The following NFIB variants were observed in gnomAD, a reference collection of about 807,000 sequenced individuals.
The protein encoded by NFIB is nuclear factor 1 B-type.
Under a neutral mutation model 61.5 loss-of-function variants are expected in NFIB, and 11 were observed. The ratio of observed to expected loss-of-function variants is 0.18; its 90% confidence interval spans 0.11 to 0.30. The LOEUF (loss-of-function observed/expected upper bound fraction) is 0.30, where lower values mean the gene tolerates loss of function less well. Ranked by LOEUF, NFIB falls within the 10% of genes least tolerant of loss-of-function variation. The pLI is 1.00. For missense variants in NFIB, 471 were observed against 608.9 expected (o/e 0.77, Z 2.38); for synonymous variants, 260 against 216.5 (o/e 1.20, Z -1.76).
At chr9:14,161,235 G>A (rs920502111) in intron 3 of NFIB, among the ~76,000 whole-genome samples, 2 of 152,120 alleles carry the variant, frequency 1.3e-5, no homozygotes, top group Non-Finnish European at 2.9e-5. Flanking sequence ...TTGTGTTGAA[G>A]TTAAAGCTGA....
the NFIB span, among the ~76,000 whole-genome samples, chr9:14,475,227 G>C: frequency 3.4e-4 from 52 of 152,378 alleles, no homozygotes; most frequent in African/African-American, 1.2e-3. Context: ...AGCGTGCTAA[G>C]TGACTTGCCC....
intron 1 of NFIB, among the ~76,000 whole-genome samples, chr9:14,323,057 T>G (rs2060700781): frequency 6.6e-6 from 1 of 152,258 alleles, no homozygotes; most frequent in Non-Finnish European, 1.5e-5. Context: ...CCCGCCACGT[T>G]GCTGGCTTCA....
chr9:14,245,605 G>A (rs1027081076), intron 2 of NFIB, among the ~76,000 whole-genome samples: 8 of 152,168 alleles, frequency 5.3e-5, no homozygotes, highest in Non-Finnish European at 1.2e-4. Context: ...GGGCTCAGTG[G>A]CTCACGACTG....
intron 2 of NFIB, among the ~76,000 whole-genome samples, chr9:14,233,745 T>C (rs2053454235): frequency 6.6e-6 from 1 of 152,194 alleles, no homozygotes; most frequent in Non-Finnish European, 1.5e-5. Context: ...TTGCTATTAT[T>C]CTTTAATAAC....
At chr9:14,093,654 G>C (rs1261519771) in intron 10 of NFIB, among the ~76,000 whole-genome samples, 1 of 151,992 alleles carries the variant, frequency 6.6e-6, no homozygotes, top group South Asian at 2.1e-4. Context: ...AATTTTATTG[G>C]CAAAATATTA....
intron 1 of NFIB, among the ~76,000 whole-genome samples, chr9:14,329,215 A>G (rs1003400724): frequency 2.6e-5 from 4 of 152,208 alleles, no homozygotes; most frequent in African/African-American, 9.7e-5. Flanking sequence ...TATGGCTGCT[A>G]AGCTAGTTAG....
chr9:14,158,441 G>C (rs943748065), intron 3 of NFIB, among the ~76,000 whole-genome samples: 4 of 152,140 alleles, frequency 2.6e-5, no homozygotes, highest in African/African-American at 4.8e-5. Flanking sequence ...TTTATACTTT[G>C]TACTTTCAGA....
chr9:14,175,087 T>C lies in NFIB; in HGVS notation c.616+4640A>G, dbSNP rs983840795. ...GTTTCTATTAGTTTTATGACAACCT[T>C]CTGTTGGCTTTGATTTCAGTATCTA... is the stretch of plus-strand genomic sequence containing the variant. On this transcript the variant is annotated intron_variant, in intron 3 of 10. Coordinates refer to ENST00000380953, the MANE Select transcript of NFIB (RefSeq NM_001190737.2). Among the ~76,000 whole-genome samples the C allele has an allele frequency of 9.2e-5, 14 of 152,106 alleles. No homozygotes were observed. In the East Asian group the frequency reaches 2.5e-3, roughly 27 times the overall value.
intron 2 of NFIB, among the ~76,000 whole-genome samples, chr9:14,291,311 C>G (rs1336317830): frequency 6.6e-6 from 1 of 151,944 alleles, no homozygotes; most frequent in East Asian, 1.9e-4. Context: ...ACGATGAAAT[C>G]CAGTCTCTAC....
At chr9:14,526,707 T>A in the NFIB span, among the ~76,000 whole-genome samples, 1 of 152,218 alleles carries the variant, frequency 6.6e-6, no homozygotes, top group Non-Finnish European at 1.5e-5. Flanking sequence ...AAAATAGTGA[T>A]TGACATCATT....
chr9:14,240,162 A>G (rs11789657), intron 2 of NFIB, among the ~76,000 whole-genome samples: 39,862 of 152,016 alleles, frequency 0.26, 6,716 homozygotes, highest in Middle Eastern at 0.47. Flanking sequence ...AGCCTATGGA[A>G]ACATTTTAAA....
At chr9:14,378,286 A>G (rs1260737071) in intron 1 of NFIB, among the ~76,000 whole-genome samples, 1 of 152,218 alleles carries the variant, frequency 6.6e-6, no homozygotes. Flanking sequence ...GTAGGGCTCA[A>G]TAAATGCAGC....
At chr9:14,350,628 A>AG (rs1297701775) in intron 1 of NFIB, among the ~76,000 whole-genome samples, 1 of 152,196 alleles carries the variant, frequency 6.6e-6, no homozygotes, top group Non-Finnish European at 1.5e-5. Context: ...CAGGGGCTTT[A>AG]GGGGGAGATG....
intron 6 of NFIB, among the ~76,000 whole-genome samples, chr9:14,126,456 C>T (rs1293348361): frequency 6.6e-6 from 1 of 152,216 alleles, no homozygotes; most frequent in African/African-American, 2.4e-5. Context: ...ACATCGCCAG[C>T]TGCGATGTAC....
intron 1 of NFIB, among the ~76,000 whole-genome samples, chr9:14,374,580 G>A (rs2061395452): frequency 6.6e-6 from 1 of 152,150 alleles, no homozygotes; most frequent in African/African-American, 2.4e-5. Flanking sequence ...CTCAGGAGTT[G>A]CTCTAAAAGA....
At chr9:14,361,038 C>T (rs903084643) in intron 1 of NFIB, among the ~76,000 whole-genome samples, 1 of 152,066 alleles carries the variant, frequency 6.6e-6, no homozygotes, top group Non-Finnish European at 1.5e-5. Flanking sequence ...GCATTTCTAT[C>T]TTTAATGATT....
At chr9:14,342,054 G>C (rs2060957862) in intron 1 of NFIB, among the ~76,000 whole-genome samples, 1 of 152,020 alleles carries the variant, frequency 6.6e-6, no homozygotes. Flanking sequence ...ACTCTTTTCT[G>C]TTTCTCCCTT....
intron 1 of NFIB, among the ~76,000 whole-genome samples, chr9:14,356,954 T>C (rs1186271631): frequency 6.6e-6 from 1 of 152,210 alleles, no homozygotes. Flanking sequence ...GAATGTTTGG[T>C]CAGGAGGTCT....
At chr9:14,392,720 A>G (rs1188979041) in intron 1 of NFIB, among the ~76,000 whole-genome samples, 1 of 149,302 alleles carries the variant, frequency 6.7e-6, no homozygotes, top group African/African-American at 2.4e-5. Flanking sequence ...CCTTGTCTCA[A>G]AAAAAAAAAG....
Sources: allele counts gnomAD v4.1 joint callset (sites outside exome capture counted in the v4.1 genomes callset), GRCh38; gene constraint gnomAD v4.1.1; transcripts MANE v1.5; gene names NCBI Gene and HGNC (gene_info 2026-07-23, HGNC 2026-07-21).